LARGE1: variants seen among roughly 807,000 people sequenced by gnomAD.
LARGE1 encodes the protein xylosyl- and glucuronyltransferase LARGE1.
Under a neutral mutation model 87.6 loss-of-function variants are expected in LARGE1, and 43 were observed. That is an observed-to-expected ratio of 0.49 (90% confidence interval 0.38 to 0.63). LARGE1 has a LOEUF of 0.63. Among genes scored for constraint, LARGE1 ranks in the 30% least tolerant of loss-of-function variants. The pLI, the probability that LARGE1 is intolerant of heterozygous loss-of-function variation, is 0.00. For synonymous variants in LARGE1, 434 were observed against 394.6 expected, an observed-to-expected ratio of 1.10 and a Z score of -1.18; for missense variants, 802 against 1,000.2, an observed-to-expected ratio of 0.80 and a Z score of 2.67.
chr22:33,767,428 CATGTATATAT>C (rs1430653929), intron 1 of LARGE1, among the ~76,000 whole-genome samples: 5 of 148,748 alleles, frequency 3.4e-5, no homozygotes, highest in South Asian at 2.1e-4. Context: ...CATATATATG[CATGTATATAT>C]ATGTATATAT....
intron 11 of LARGE1, among the ~76,000 whole-genome samples, chr22:33,174,221 C>A (rs1922737046): frequency 6.6e-6 from 1 of 152,146 alleles, no homozygotes; most frequent in Admixed American, 6.5e-5. Flanking sequence ...GAAAACTGAA[C>A]AACCTGCTCT....
At chr22:33,568,421 G>A (rs956506419) in intron 5 of LARGE1, among the ~76,000 whole-genome samples, 3 of 152,108 alleles carry the variant, frequency 2.0e-5, no homozygotes, top group African/African-American at 7.2e-5. Context: ...TCACACAACC[G>A]AGTCATACAG....
At chr22:33,242,817 G>A (rs73397545) in intron 11 of LARGE1, among the ~76,000 whole-genome samples, 3,318 of 152,282 alleles carry the variant, frequency 0.022, 140 homozygotes, top group African/African-American at 0.077. Flanking sequence ...CATAGGTTTG[G>A]TTCCATTTGA....
chr22:33,857,921 G>A (rs2063800448), intron 1 of LARGE1, among the ~76,000 whole-genome samples: 1 of 152,166 alleles, frequency 6.6e-6, no homozygotes, highest in Non-Finnish European at 1.5e-5. Flanking sequence ...GTTGGAACCG[G>A]GAGTTCCAAC....
chr22:33,711,073 C>T (rs184072459), intron 2 of LARGE1, among the ~76,000 whole-genome samples: 1 of 152,082 alleles, frequency 6.6e-6, no homozygotes, highest in Non-Finnish European at 1.5e-5. Flanking sequence ...AAGAGAGGGC[C>T]AAGTGTTATA....
intron 7 of LARGE1, among the ~76,000 whole-genome samples, chr22:33,430,978 C>A (rs769227758): frequency 5.3e-5 from 8 of 152,230 alleles, no homozygotes; most frequent in Non-Finnish European, 7.3e-5. Context: ...GAGCCAGACA[C>A]CTGTCCCAAC....
the LARGE1 span, among the ~76,000 whole-genome samples, chr22:33,127,778 T>G: frequency 6.8e-6 from 1 of 146,936 alleles, no homozygotes; most frequent in Non-Finnish European, 1.5e-5. Context: ...ATTGACTGAC[T>G]GAGAAATCAG....
At chr22:33,810,460 T>C (rs550657740) in intron 1 of LARGE1, among the ~76,000 whole-genome samples, 1 of 152,178 alleles carries the variant, frequency 6.6e-6, no homozygotes, top group Non-Finnish European at 1.5e-5. Context: ...TGTTCACAAA[T>C]ATCAGCTCTT....
At chr22:33,120,358 T>TTCTC in the LARGE1 span, among the ~76,000 whole-genome samples, 209 of 118,776 alleles carry the variant, frequency 1.8e-3, 2 homozygotes, top group East Asian at 7.8e-3. Flanking sequence ...TTTTCTTTCT[T>TTCTC]TTTCTTTCTT....
At chr22:33,154,295 C>T in the LARGE1 span, among the ~76,000 whole-genome samples, 1 of 152,052 alleles carries the variant, frequency 6.6e-6, no homozygotes, top group South Asian at 2.1e-4. Context: ...GGTTGGAGTG[C>T]AGTGGCATGA....
chr22:33,445,519 G>T (rs1203418355), intron 6 of LARGE1, among the ~76,000 whole-genome samples: 2 of 152,156 alleles, frequency 1.3e-5, no homozygotes, highest in African/African-American at 4.8e-5. Context: ...AGCTTGACAA[G>T]GATGAGTAAA....
intron 1 of LARGE1, among the ~76,000 whole-genome samples, chr22:33,867,837 G>A (rs899176903): frequency 7.2e-5 from 11 of 152,080 alleles, no homozygotes; most frequent in Non-Finnish European, 1.6e-4. Flanking sequence ...TCTTTGGTAG[G>A]ACCTAGCTCA....
chr22:33,809,595 T>C (rs1209655118), intron 1 of LARGE1, among the ~76,000 whole-genome samples: 1 of 152,250 alleles, frequency 6.6e-6, no homozygotes, highest in Non-Finnish European at 1.5e-5. Flanking sequence ...AAATATTATA[T>C]AATGCTAGTT....
chr22:33,441,123 G>C (rs1425265252), intron 6 of LARGE1, among the ~76,000 whole-genome samples: 1 of 124,998 alleles, frequency 8.0e-6, no homozygotes, highest in Non-Finnish European at 1.6e-5. Context: ...CTCTGAGGCT[G>C]GAGTGCAATG....
the LARGE1 span, among the ~76,000 whole-genome samples, chr22:33,125,765 T>G: frequency 6.6e-6 from 1 of 152,070 alleles, no homozygotes; most frequent in African/African-American, 2.4e-5. Flanking sequence ...TTAAATACAT[T>G]TTTATTTTAT....
In LARGE1 at chr22:33,355,233, C is replaced by T. The variant is rs564719089; in HGVS notation, c.1132-17432G>A. 4.7e-4 allele frequency among the ~76,000 whole-genome samples: 71 copies of T among 152,304 alleles called. 1 individual carries two copies. Among genetic ancestry groups the T allele is most frequent in the African/African-American group, 1.7e-3 (71 of 41,560 alleles). ...CCCTTTTTATGTAGCACCTTCATTT[C>T]TGACCTGGATACCTCTAAGCAATAT... On this transcript the variant is annotated intron_variant, in intron 9 of 14. Transcript: ENST00000397394.
chr22:33,400,804 C>T (rs528755167), intron 7 of LARGE1, among the ~76,000 whole-genome samples: 16 of 152,208 alleles, frequency 1.1e-4, no homozygotes, highest in Non-Finnish European at 1.8e-4. Context: ...AAAAAGCAGA[C>T]GCTGAAAACA....
the LARGE1 span, among the ~76,000 whole-genome samples, chr22:33,113,205 CTTTTTTT>C: frequency 7.8e-6 from 1 of 127,416 alleles, no homozygotes. Context: ...ACTTAATTAT[CTTTTTTT>C]TTTTTTTTTT....
intron 11 of LARGE1, among the ~76,000 whole-genome samples, chr22:33,252,002 A>G (rs1178920775): frequency 1.3e-5 from 2 of 152,210 alleles, no homozygotes; most frequent in East Asian, 1.9e-4. Flanking sequence ...TGTTCTACTT[A>G]GCTGGCAAAA....
Sources: allele counts gnomAD v4.1 joint callset (sites outside exome capture counted in the v4.1 genomes callset), GRCh38; gene constraint gnomAD v4.1.1; transcripts MANE v1.5; gene names NCBI Gene and HGNC (gene_info 2026-07-23, HGNC 2026-07-21).